The following DLGAP2 variants were observed in gnomAD, a reference collection of about 807,000 sequenced individuals.
The protein encoded by DLGAP2 is disks large-associated protein 2.
Under a neutral mutation model 100.3 loss-of-function variants are expected in DLGAP2, and 26 were observed. The observed-to-expected ratio is 0.26, with a 90% CI of 0.19 to 0.36. The LOEUF (loss-of-function observed/expected upper bound fraction) is 0.36. DLGAP2 is among the 10% of genes least tolerant of loss of function. The pLI is 1.00. For missense variants in DLGAP2, 1,858 were observed against 1,453.2 expected, an observed-to-expected ratio of 1.28 and a Z score of -4.53; for synonymous variants, 886 against 630.1, an observed-to-expected ratio of 1.41 and a Z score of -6.08.
intron 5 of DLGAP2, among the ~76,000 whole-genome samples, chr8:1,562,499 A>C (rs1258563140): frequency 4.1e-5 from 1 of 24,264 alleles, no homozygotes; most frequent in Non-Finnish European, 7.5e-5. Context: ...TTACTGGGGG[A>C]CTGTGTGGTG....
At chr8:1,504,858 C>T (rs1035832228) in intron 4 of DLGAP2, among the ~76,000 whole-genome samples, 3 of 152,218 alleles carry the variant, frequency 2.0e-5, no homozygotes, top group Non-Finnish European at 4.4e-5. Flanking sequence ...ACCCCTTCCA[C>T]ACATCCATTT....
intron 3 of DLGAP2, among the ~76,000 whole-genome samples, chr8:1,417,667 C>CAGTGAGG (rs1471543662): frequency 1.4e-5 from 2 of 141,774 alleles, no homozygotes; most frequent in East Asian, 2.1e-4. Flanking sequence ...CTGCCTCACT[C>CAGTGAGG]CGCGAGGCTC....
At chr8:1,564,410 G>A (rs188082230) in intron 5 of DLGAP2, among the ~76,000 whole-genome samples, 2 of 152,276 alleles carry the variant, frequency 1.3e-5, no homozygotes, top group Non-Finnish European at 2.9e-5. Flanking sequence ...GACACGTAAC[G>A]CAAACACACA....
At chr8:1,188,813 C>G (rs181550707) in intron 2 of DLGAP2, among the ~76,000 whole-genome samples, 1 of 148,116 alleles carries the variant, frequency 6.8e-6, no homozygotes, top group African/African-American at 2.7e-5. Flanking sequence ...CCTGCTGCGT[C>G]CTCAGGATGT....
intron 1 of DLGAP2, among the ~76,000 whole-genome samples, chr8:772,188 A>C (rs1821381066): frequency 6.6e-6 from 1 of 152,180 alleles, no homozygotes; most frequent in Non-Finnish European, 1.5e-5. Flanking sequence ...GGCATCAGCC[A>C]CTGTGCCCAG....
intron 12 of DLGAP2, among the ~76,000 whole-genome samples, chr8:1,684,465 A>G (rs1457652024): frequency 6.6e-6 from 1 of 152,104 alleles, no homozygotes; most frequent in Admixed American, 6.5e-5. Context: ...TAAAGATTAA[A>G]TTAAATGTCT....
intron 1 of DLGAP2, among the ~76,000 whole-genome samples, chr8:810,226 C>A (rs1216342509): frequency 2.0e-5 from 3 of 152,208 alleles, no homozygotes; most frequent in Non-Finnish European, 4.4e-5. Context: ...CAGCTTTCCT[C>A]CGTCTTTTAA....
chr8:1,583,243 C>A (rs923361882), intron 6 of DLGAP2, among the ~76,000 whole-genome samples: 4 of 152,214 alleles, frequency 2.6e-5, no homozygotes, highest in Non-Finnish European at 4.4e-5. Flanking sequence ...CTTCTCCCTC[C>A]CATCTGCCAT....
chr8:898,086 A>G (rs1309204622), intron 1 of DLGAP2, among the ~76,000 whole-genome samples: 1 of 152,188 alleles, frequency 6.6e-6, no homozygotes, highest in Non-Finnish European at 1.5e-5. Context: ...AAATTTTTGT[A>G]AAAACATGTA....
At chr8:1,586,310 G>C (rs1178542990) in intron 6 of DLGAP2, among the ~76,000 whole-genome samples, 1 of 152,222 alleles carries the variant, frequency 6.6e-6, no homozygotes, top group African/African-American at 2.4e-5. Context: ...GTTGTCAGCT[G>C]AAGTCAGCCC....
In DLGAP2 at chr8:1,701,586, C is replaced by A; in HGVS notation, c.*180C>A. On this transcript the variant is annotated 3_prime_UTR_variant, in exon 15 of 15. Coordinates refer to ENST00000637795, the MANE Select transcript of DLGAP2 (RefSeq NM_001346810.2). The stretch of plus-strand genomic sequence containing the variant: ...GCCTCAGAGTCCACGGAGCTCGCGG[C>A]GAGGACGACTTCTGCTTTTGTTGTT... 1.5e-6 allele frequency: 1 copy of A among 651,012 alleles called. No individual in the cohort carries two copies. The highest frequency in any genetic ancestry group is 2.6e-6 in the Non-Finnish European group (1 of 390,516). 40.3% of individuals were successfully genotyped at this position (651,012 alleles called of 1,614,324 possible).
At chr8:819,128 A>T (rs1024700220) in intron 1 of DLGAP2, among the ~76,000 whole-genome samples, 2 of 152,244 alleles carry the variant, frequency 1.3e-5, no homozygotes, top group East Asian at 3.8e-4. Context: ...TTAAGAATAT[A>T]TAAATTTGCT....
chr8:791,957 G>A (rs1278347140), intron 1 of DLGAP2, among the ~76,000 whole-genome samples: 1 of 152,208 alleles, frequency 6.6e-6, no homozygotes, highest in Non-Finnish European at 1.5e-5. Flanking sequence ...GGGGATGTCT[G>A]TTACATAATC....
chr8:1,566,554 C>T (rs1248828371), intron 6 of DLGAP2, among the ~76,000 whole-genome samples: 1 of 152,208 alleles, frequency 6.6e-6, no homozygotes, highest in African/African-American at 2.4e-5. Flanking sequence ...CCAAGAACTG[C>T]CTGGAAGCTA....
chr8:1,578,242 T>A (rs769857784), intron 6 of DLGAP2, among the ~76,000 whole-genome samples: 11 of 152,218 alleles, frequency 7.2e-5, no homozygotes, highest in Non-Finnish European at 1.3e-4. Flanking sequence ...ATTCTCCTCT[T>A]GGTGTACATG....
chr8:818,117 G>T (rs1283925682), intron 1 of DLGAP2, among the ~76,000 whole-genome samples: 1 of 152,176 alleles, frequency 6.6e-6, no homozygotes, highest in Non-Finnish European at 1.5e-5. Context: ...AGACCACCAG[G>T]TGAGGGGCAG....
chr8:1,101,307 C>T (rs2129043737), intron 2 of DLGAP2, among the ~76,000 whole-genome samples: 1 of 152,308 alleles, frequency 6.6e-6, no homozygotes, highest in South Asian at 2.1e-4. Flanking sequence ...AGCAGGGGGG[C>T]CATTTGTTGG....
At chr8:934,778 C>T (rs905864928) in intron 2 of DLGAP2, among the ~76,000 whole-genome samples, 2 of 152,120 alleles carry the variant, frequency 1.3e-5, no homozygotes, top group African/African-American at 4.8e-5. Context: ...CCAGAGTACC[C>T]ACCTTTTCTT....
chr8:1,539,787 C>T (rs145861446), intron 4 of DLGAP2, among the ~76,000 whole-genome samples: 2 of 152,338 alleles, frequency 1.3e-5, no homozygotes, highest in East Asian at 3.9e-4. Context: ...GGATGTGTGA[C>T]ACACCTCAGA....
Sources: allele counts gnomAD v4.1 joint callset (sites outside exome capture counted in the v4.1 genomes callset), GRCh38; gene constraint gnomAD v4.1.1; transcripts MANE v1.5; gene names NCBI Gene and HGNC (gene_info 2026-07-23, HGNC 2026-07-21).